CHRNB3: variants seen among roughly 807,000 people sequenced by gnomAD.
CHRNB3 encodes the protein neuronal acetylcholine receptor subunit beta-3.
A neutral mutation model predicts 40.6 loss-of-function variants in CHRNB3; 37 were observed. That is an observed-to-expected ratio of 0.91 (90% CI 0.70 to 1.20). The LOEUF is 1.20. CHRNB3 is among the 50% of genes most tolerant of loss of function. The pLI is 0.00. For missense variants in CHRNB3, 505 were observed against 551.2 expected, an observed-to-expected ratio of 0.92 and a Z score of 0.84; for synonymous variants, 207 against 207.1, an observed-to-expected ratio of 1.00 and a Z score of 0.00.
chr8:42,706,133 T>A (rs1259836774), intron 1 of CHRNB3: 2 of 152,236 alleles, frequency 1.3e-5, no homozygotes, highest in Non-Finnish European at 2.9e-5. Context: ...GGAAATGACA[T>A]TTGAGCAAAG....
At position 42,708,736 on chromosome 8, in the gene CHRNB3, A is replaced by C; in HGVS notation, c.72A>C (p.Ser24=). Residue 24 remains serine (S), a synonymous_variant, in exon 2 of 6, where the codon TCA becomes TCC. Coordinates refer to ENST00000289957, the MANE Select transcript of CHRNB3 (RefSeq NM_000749.5). ...IPSSATTGFN[S]IAENEDALLR... ...TTACAGCCACCACAGGTTTCAACTCAATCGCCGAAAATGAAGATGCCCTCC... is the reference window on the plus strand; with the variant it reads ...TTACAGCCACCACAGGTTTCAACTCCATCGCCGAAAATGAAGATGCCCTCC... 6.2e-7 allele frequency: 1 copy of C among 1,614,014 alleles called. No homozygotes were observed. The highest frequency in any genetic ancestry group is 2.2e-5 in the East Asian group (1 of 44,874).
At chr8:42,730,306 G>C (rs1232058330) in intron 3 of CHRNB3, among the ~76,000 whole-genome samples, 3 of 152,156 alleles carry the variant, frequency 2.0e-5, no homozygotes, top group African/African-American at 7.2e-5. Context: ...TGAAAAGATA[G>C]ATCATGAATT....
At chr8:42,729,266 C>A (rs138359330) in intron 3 of CHRNB3, among the ~76,000 whole-genome samples, 4,947 of 151,930 alleles carry the variant, frequency 0.033, 208 homozygotes, top group Admixed American at 0.12. Context: ...AAAAATTAGC[C>A]GGGCGTGGTG....
chr8:42,730,323 G>A (rs1276829527), intron 3 of CHRNB3, among the ~76,000 whole-genome samples: 1 of 152,098 alleles, frequency 6.6e-6, no homozygotes, highest in African/African-American at 2.4e-5. Context: ...AATTAGTGGC[G>A]TTTGTTGTAG....
At chr8:42,724,494 C>T (rs1486476532) in intron 3 of CHRNB3, among the ~76,000 whole-genome samples, 1 of 152,044 alleles carries the variant, frequency 6.6e-6, no homozygotes, top group Non-Finnish European at 1.5e-5. Flanking sequence ...CAAACAAAGG[C>T]CCCAGGAATC....
Position 42,697,527 on chromosome 8 carries a change from T to C in CHRNB3, c.-20T>C, listed in dbSNP as rs756713786. ...TGTTGTTAAAAAGGAAGAAACTGTCTTTCTGAAACTGACATCACGATGCTC... is the reference window on the plus strand; with the variant it reads ...TGTTGTTAAAAAGGAAGAAACTGTCCTTCTGAAACTGACATCACGATGCTC... On this transcript the variant is annotated 5_prime_UTR_variant, in exon 1 of 6. Transcript: ENST00000289957. The C allele has an allele frequency of 1.9e-6, 3 of 1,609,618 alleles. No individual in the cohort carries two copies. In the African/African-American group the frequency reaches 4.0e-5, roughly 22 times the overall value.
chr8:42,723,807 C>T (rs549547532), intron 3 of CHRNB3, among the ~76,000 whole-genome samples: 16 of 152,228 alleles, frequency 1.1e-4, no homozygotes, highest in East Asian at 9.6e-4. Context: ...TATTTTAGTC[C>T]GGTTGTGGTG....
chr8:42,717,639 G>A (rs1248374137), intron 3 of CHRNB3, among the ~76,000 whole-genome samples: 3 of 151,542 alleles, frequency 2.0e-5, no homozygotes, highest in Non-Finnish European at 4.4e-5. Flanking sequence ...GGGGTCAAAA[G>A]GCCTACTGTA....
In CHRNB3 at chr8:42,708,866, G is replaced by A. The variant is rs376306516; in HGVS notation, c.202G>A (p.Val68Met). ...ATTGAAAATATCCCAGCTTGTAGATGTGGTGAGTAATCCTTGGCACTTGGC... is the reference window on the plus strand; with the variant it reads ...ATTGAAAATATCCCAGCTTGTAGATATGGTGAGTAATCCTTGGCACTTGGC... ...FGLKISQLVD[V>M]DEKNQLMTTN... Residue 68 changes from valine to methionine, a missense_variant and splice_region_variant, in exon 2 of 6, where the codon GTG becomes ATG. Transcript: ENST00000289957. The A allele has an allele frequency of 3.0e-5, 48 of 1,612,114 alleles. No homozygotes were observed. The African/African-American group carries it at 5.7e-4, about 19-fold the overall frequency.
intron 1 of CHRNB3, among the ~76,000 whole-genome samples, chr8:42,703,308 C>T (rs921368190): frequency 1.3e-5 from 2 of 150,800 alleles, no homozygotes; most frequent in Non-Finnish European, 3.0e-5. Flanking sequence ...CCTGTAATCC[C>T]AGCTACTCAG....
chr8:42,710,858 C>A (rs1816003624), intron 3 of CHRNB3, among the ~76,000 whole-genome samples: 1 of 152,176 alleles, frequency 6.6e-6, no homozygotes, highest in South Asian at 2.1e-4. Context: ...CCTCTAATAC[C>A]TCTTGTTGCT....
chr8:42,734,113 A>G (rs1465726773), intron 5 of CHRNB3, among the ~76,000 whole-genome samples: 1 of 150,040 alleles, frequency 6.7e-6, no homozygotes, highest in Non-Finnish European at 1.5e-5. Flanking sequence ...AAAATTAGCC[A>G]GGCGTGGTGG....
At chr8:42,735,582 C>CT (rs1021097203) in intron 5 of CHRNB3, among the ~76,000 whole-genome samples, 30 of 152,012 alleles carry the variant, frequency 2.0e-4, no homozygotes, top group Non-Finnish European at 4.1e-4. Context: ...ACAAAGATTT[C>CT]TTTTTTTTCC....
intron 3 of CHRNB3, among the ~76,000 whole-genome samples, chr8:42,720,492 C>T (rs1408392011): frequency 6.6e-6 from 1 of 152,094 alleles, no homozygotes; most frequent in Non-Finnish European, 1.5e-5. Flanking sequence ...CTCCACTGTT[C>T]TGTATCCCAT....
At chr8:42,726,369 C>G (rs1816309292) in intron 3 of CHRNB3, 1 of 497,866 alleles carries the variant, frequency 2.0e-6, no homozygotes, top group Admixed American at 3.8e-5. Context: ...CAGAAAAGAT[C>G]CCAAAATTAA....
At position 42,726,654 on chromosome 8, in the gene CHRNB3, A is replaced by G. The variant is rs572834820; in HGVS notation, c.250-3940A>G. Among the ~76,000 whole-genome samples, 14 of 152,032 alleles carry G rather than the reference A, an allele frequency of 9.2e-5. No homozygotes were observed. In the East Asian group the frequency reaches 2.5e-3, roughly 27 times the overall value. On this transcript the variant is annotated intron_variant, in intron 3 of 5. Coordinates refer to ENST00000289957, the MANE Select transcript of CHRNB3 (RefSeq NM_000749.5). ...GCTGGGATTACAGGCACCCACCATC[A>G]TGCCCGGCTAATTTTTGTAGAGACA...
In CHRNB3 at chr8:42,698,462, T is replaced by C. The variant is rs184835854; in HGVS notation, c.52+864T>C. On this transcript the variant is annotated intron_variant, in intron 1 of 5. Coordinates refer to ENST00000289957, the MANE Select transcript of CHRNB3 (RefSeq NM_000749.5). ...GTATTTTTGCCACGTTTGATTATTG[T>C]AATTTTCAAATGGAGAACTGGAGAC... 9.8e-5 allele frequency among the ~76,000 whole-genome samples: 15 copies of C among 152,336 alleles called. 1 individual carries two copies. The highest frequency in any genetic ancestry group is 3.3e-4 in the Admixed American group (5 of 15,304).
intron 3 of CHRNB3, among the ~76,000 whole-genome samples, chr8:42,725,158 T>TGGCTCACCGCAACCTC (rs1205801070): frequency 6.7e-6 from 1 of 150,098 alleles, no homozygotes; most frequent in African/African-American, 2.5e-5. Context: ...GGCGCAATCT[T>TGGCTCACCGCAACCTC]GGCTCACCGC....
intron 5 of CHRNB3, among the ~76,000 whole-genome samples, chr8:42,733,871 A>G (rs1013457462): frequency 2.7e-5 from 4 of 150,842 alleles, no homozygotes; most frequent in African/African-American, 7.3e-5. Flanking sequence ...CTGGGATTAC[A>G]GGCATGAGCC....
Sources: allele counts gnomAD v4.1 joint callset (sites outside exome capture counted in the v4.1 genomes callset), GRCh38; gene constraint gnomAD v4.1.1; transcripts MANE v1.5; gene names NCBI Gene and HGNC (gene_info 2026-07-23, HGNC 2026-07-21).